The following PPFIBP2 variants were observed in gnomAD, a reference collection of about 807,000 sequenced individuals.
The protein encoded by PPFIBP2 is liprin-beta-2.
A neutral mutation model predicts 118.3 loss-of-function variants in PPFIBP2; 118 were observed. The observed-to-expected ratio is 1.00, with a 90% confidence interval of 0.86 to 1.16. The LOEUF (loss-of-function observed/expected upper bound fraction) is 1.16. Ranked by LOEUF, PPFIBP2 falls within the 50% of genes most tolerant of loss-of-function variation. The pLI is 0.00. For missense variants in PPFIBP2, 1,195 were observed against 1,073.1 expected, an observed-to-expected ratio of 1.11 and a Z score of -1.59; for synonymous variants, 414 against 397.4, an observed-to-expected ratio of 1.04 and a Z score of -0.50.
chr11:7,518,436 A>G lies in PPFIBP2; in HGVS notation c.-37+4315A>G, dbSNP rs573923404. ...GGCACCCTTTTTGAGTTCTGCAAGG[A>G]AACACATAATCGTGTGGTCTCGATG... On this transcript the variant is annotated intron_variant, in intron 1 of 23. Coordinates refer to ENST00000299492, the MANE Select transcript of PPFIBP2 (RefSeq NM_003621.5). Among the ~76,000 whole-genome samples, 4 of 152,144 alleles carry G rather than the reference A, an allele frequency of 2.6e-5. No individual in the cohort carries two copies. In the South Asian group the frequency reaches 8.3e-4, roughly 32 times the overall value.
At chr11:7,605,486 G>A (rs1416769767) in intron 5 of PPFIBP2, among the ~76,000 whole-genome samples, 2 of 152,202 alleles carry the variant, frequency 1.3e-5, no homozygotes, top group African/African-American at 4.8e-5. Context: ...AATTTGTACA[G>A]AAACCAACTG....
intron 14 of PPFIBP2, among the ~76,000 whole-genome samples, chr11:7,639,040 G>T (rs1049513323): frequency 6.6e-6 from 1 of 152,174 alleles, no homozygotes; most frequent in Admixed American, 6.5e-5. Context: ...TTTTTAAGAA[G>T]CCATGATCAC....
intron 6 of PPFIBP2, among the ~76,000 whole-genome samples, chr11:7,615,791 G>A (rs1236941481): frequency 2.0e-5 from 3 of 152,212 alleles, no homozygotes; most frequent in Non-Finnish European, 4.4e-5. Flanking sequence ...GAATGTTCAC[G>A]AGAGTGAGCA....
chr11:7,584,536 A>G (rs975842394), intron 3 of PPFIBP2, among the ~76,000 whole-genome samples: 21 of 152,206 alleles, frequency 1.4e-4, no homozygotes, highest in Non-Finnish European at 2.5e-4. Context: ...CTTCACCTAG[A>G]AAAAGCAGAA....
At chr11:7,656,644 G>A (rs1025625540), downstream of PPFIBP2, 7 of 1,008,904 alleles carry the variant, frequency 6.9e-6, no homozygotes, top group Non-Finnish European at 9.6e-6. Context: ...CTCACCCAGT[G>A]CCCTCTAGTT....
intron 1 of PPFIBP2, among the ~76,000 whole-genome samples, chr11:7,514,478 A>G (rs1393121754): frequency 1.3e-5 from 2 of 152,222 alleles, no homozygotes; most frequent in Non-Finnish European, 2.9e-5. Context: ...AGCCCTGCTC[A>G]GCCCGGGGAG....
chr11:7,644,711 G>A (rs577459801), intron 17 of PPFIBP2, among the ~76,000 whole-genome samples: 4 of 152,272 alleles, frequency 2.6e-5, no homozygotes, highest in African/African-American at 9.6e-5. Context: ...ACAGGGCCAG[G>A]TGTTTTGAAA....
At position 7,549,538 on chromosome 11, in the gene PPFIBP2, A is replaced by C; in HGVS notation, c.63A>C (p.Ala21=). 1 of 1,557,774 alleles carries C rather than the reference A, an allele frequency of 6.4e-7. No homozygotes were observed. The highest frequency in any genetic ancestry group is 8.7e-7 in the Non-Finnish European group (1 of 1,151,122). The stretch of plus-strand genomic sequence containing the variant: ...TGGAGCAAATGGACGGGATCATTGC[A>C]GGTACGCCCAGGGAACCCCAGCAAC... The part of the protein sequence containing the change: ...AALEQMDGII[A]GTKTGADLSD... Residue 21 remains alanine (A), a splice_region_variant and synonymous_variant, in exon 2 of 24, where the codon GCA becomes GCC. Transcript: ENST00000299492.
At chr11:7,633,051 C>A in intron 12 of PPFIBP2, 117 bp downstream of exon 12, 1 of 885,776 alleles carries the variant, frequency 1.1e-6, no homozygotes, top group Non-Finnish European at 1.8e-6. Flanking sequence ...CTAGGTGCAC[C>A]TGCCCCTCTG....
chr11:7,522,833 T>C (rs1245274623), intron 1 of PPFIBP2, among the ~76,000 whole-genome samples: 1 of 152,210 alleles, frequency 6.6e-6, no homozygotes, highest in East Asian at 1.9e-4. Context: ...CTTATACTTA[T>C]TATGCTCAAT....
chr11:7,628,421 G>C lies in PPFIBP2; in HGVS notation c.888+75G>C, dbSNP rs927304533. ...CTGTGTTTGGTCCCTGCTGGTCTCT[G>C]ATATTCTGGACAGGACCATGCTTAT... On this transcript the variant is annotated intron_variant, in intron 9 of 23. Transcript: ENST00000299492. 12 of 1,345,002 alleles carry C rather than the reference G, an allele frequency of 8.9e-6. No homozygotes were observed. In the African/African-American group the frequency reaches 1.6e-4, roughly 18 times the overall value. The allele number at this position is 1,345,002 out of a possible 1,614,324, so 83.3% of individuals were successfully genotyped here.
At chr11:7,519,542 C>T (rs1419779732) in intron 1 of PPFIBP2, among the ~76,000 whole-genome samples, 2 of 152,096 alleles carry the variant, frequency 1.3e-5, no homozygotes, top group Non-Finnish European at 2.9e-5. Context: ...AAAGAAAAGG[C>T]GCTTAGGGCG....
intron 1 of PPFIBP2, among the ~76,000 whole-genome samples, chr11:7,521,114 G>A (rs4078257): frequency 6.6e-6 from 1 of 151,792 alleles, no homozygotes; most frequent in South Asian, 2.1e-4. Flanking sequence ...CCTTAAGGTC[G>A]TTGGCTTGGT....
chr11:7,602,934 CTG>C (rs756911815), intron 5 of PPFIBP2, among the ~76,000 whole-genome samples: 1 of 152,188 alleles, frequency 6.6e-6, no homozygotes, highest in Non-Finnish European at 1.5e-5. Context: ...AATATGGACT[CTG>C]TATTGCCTAC....
At chr11:7,633,532 A>G (rs1049262242) in intron 12 of PPFIBP2, among the ~76,000 whole-genome samples, 3 of 152,136 alleles carry the variant, frequency 2.0e-5, no homozygotes, top group Non-Finnish European at 2.9e-5. Flanking sequence ...AGGCTTCACT[A>G]CCAAGGTACT....
chr11:7,579,825 T>G (rs1204448568), intron 3 of PPFIBP2, among the ~76,000 whole-genome samples: 1 of 152,172 alleles, frequency 6.6e-6, no homozygotes, highest in African/African-American at 2.4e-5. Flanking sequence ...TCTTCTACTT[T>G]TAGAATTTTA....
chr11:7,531,368 C>T (rs1175448992), intron 1 of PPFIBP2, among the ~76,000 whole-genome samples: 1 of 152,174 alleles, frequency 6.6e-6, no homozygotes, highest in African/African-American at 2.4e-5. Context: ...TGCAGCTTGA[C>T]ATCTGGTCAG....
At chr11:7,624,259 A>G (rs922576867) in intron 7 of PPFIBP2, among the ~76,000 whole-genome samples, 3 of 152,190 alleles carry the variant, frequency 2.0e-5, no homozygotes, top group African/African-American at 7.2e-5. Flanking sequence ...TGGCCTGGTC[A>G]CCAAGTAGCT....
At chr11:7,554,023 G>GAAGTTTGA (rs1853291900) in intron 2 of PPFIBP2, among the ~76,000 whole-genome samples, 1 of 151,672 alleles carries the variant, frequency 6.6e-6, no homozygotes, top group Non-Finnish European at 1.5e-5. Context: ...CACAGCTAAA[G>GAAGTTTGA]AAGTTTGAAA....
Sources: allele counts gnomAD v4.1 joint callset (sites outside exome capture counted in the v4.1 genomes callset), GRCh38; gene constraint gnomAD v4.1.1; transcripts MANE v1.5; gene names NCBI Gene and HGNC (gene_info 2026-07-23, HGNC 2026-07-21).